PALM2AKAP2: variants seen among roughly 807,000 people sequenced by gnomAD.
PALM2AKAP2 encodes PALM2 and AKAP2 fusion.
In PALM2AKAP2, 37 loss-of-function variants were observed where a neutral mutation model predicts 71.5. The observed-to-expected ratio is 0.52, with a 90% CI of 0.40 to 0.68. The LOEUF is 0.68. Among genes scored for constraint, PALM2AKAP2 ranks in the 30% least tolerant of loss-of-function variants. The pLI is 0.00. For missense variants in PALM2AKAP2, 1,224 were observed against 1,191.8 expected (o/e 1.03, Z -0.40); for synonymous variants, 468 against 478.8 (o/e 0.98, Z 0.29).
At chr9:110,031,034 G>A (rs896843476) in intron 7 of PALM2AKAP2, among the ~76,000 whole-genome samples, 5 of 152,146 alleles carry the variant, frequency 3.3e-5, no homozygotes, top group Admixed American at 3.3e-4. Context: ...TTCCCACTCC[G>A]TCTCCCAAAG....
chr9:110,118,589 T>C (rs891381500), intron 1 of PALM2AKAP2, among the ~76,000 whole-genome samples: 2 of 152,154 alleles, frequency 1.3e-5, no homozygotes, highest in African/African-American at 4.8e-5. Flanking sequence ...TCCAGGTGCC[T>C]AATCACCCAT....
chr9:109,774,802 A>T (rs1384395329), intron 1 of PALM2AKAP2, among the ~76,000 whole-genome samples: 1 of 152,224 alleles, frequency 6.6e-6, no homozygotes, highest in Non-Finnish European at 1.5e-5. Context: ...ATGGCCAATC[A>T]CAAGCCTTTT....
chr9:109,864,607 C>T lies in PALM2AKAP2; in HGVS notation c.46-2884C>T, dbSNP rs544110194. Among the ~76,000 whole-genome samples, 138 of 152,142 alleles carry T rather than the reference C, an allele frequency of 9.1e-4. 2 individuals carry two copies. Among genetic ancestry groups the T allele is most frequent in the Non-Finnish European group, 2.2e-4 (15 of 68,034 alleles). ...CCCGTGGGCCAAATCTGGCCCACTA[C>T]CTGTGTTTGCAAATAAAGTTTTATT... On this transcript the variant is annotated intron_variant, in intron 1 of 9. Coordinates refer to the PALM2AKAP2 transcript ENST00000302798.
chr9:109,882,776 G>A (rs1189451115), intron 3 of PALM2AKAP2, among the ~76,000 whole-genome samples: 1 of 151,898 alleles, frequency 6.6e-6, no homozygotes, highest in East Asian at 1.9e-4. Flanking sequence ...TCAAATAGCT[G>A]GGAATAAAAG....
At chr9:110,087,599 G>A (rs1834603083) in intron 1 of PALM2AKAP2, among the ~76,000 whole-genome samples, 1 of 152,150 alleles carries the variant, frequency 6.6e-6, no homozygotes. Flanking sequence ...CTAGAACATG[G>A]TTCCATGGGG....
At chr9:109,936,919 G>T (rs1831232505) in intron 6 of PALM2AKAP2, among the ~76,000 whole-genome samples, 1 of 152,194 alleles carries the variant, frequency 6.6e-6, no homozygotes, top group Admixed American at 6.5e-5. Flanking sequence ...AAGAAAGTGA[G>T]CTGGGAAAAG....
At chr9:110,169,152 T>G (rs1836801658) in exon 4 of PALM2AKAP2, 1 of 152,762 alleles carries the variant, frequency 6.5e-6, no homozygotes, top group Admixed American at 6.5e-5. Context: ...CACAATCTAT[T>G]CTACATGAGG....
At chr9:110,037,289 C>T (rs1334642942) in intron 7 of PALM2AKAP2, among the ~76,000 whole-genome samples, 1 of 152,196 alleles carries the variant, frequency 6.6e-6, no homozygotes, top group Non-Finnish European at 1.5e-5. Flanking sequence ...CAACCACAAC[C>T]TCTGCCTCCT....
At chr9:109,940,745 G>A (rs1831340513) in intron 6 of PALM2AKAP2, among the ~76,000 whole-genome samples, 1 of 152,156 alleles carries the variant, frequency 6.6e-6, no homozygotes, top group African/African-American at 2.4e-5. Flanking sequence ...TGGGAATAGT[G>A]AGAAGTCGTT....
intron 5 of PALM2AKAP2, among the ~76,000 whole-genome samples, chr9:109,929,863 CAAAAAAAAAAAA>C (rs58029417): frequency 0.2 from 14,235 of 69,836 alleles, 950 homozygotes; most frequent in Non-Finnish European, 0.27. Context: ...GACTCCATTT[CAAAAAAAAAAAA>C]AAAAAAAAAA....
chr9:109,930,452 C>T (rs1831069337), intron 5 of PALM2AKAP2, among the ~76,000 whole-genome samples: 1 of 152,214 alleles, frequency 6.6e-6, no homozygotes, highest in African/African-American at 2.4e-5. Flanking sequence ...TCTCGAGCTC[C>T]TGACCTCAGG....
At chr9:109,800,084 A>C (rs10816875) in intron 1 of PALM2AKAP2, among the ~76,000 whole-genome samples, 26,911 of 152,126 alleles carry the variant, frequency 0.18, 2,767 homozygotes, top group East Asian at 0.34. Flanking sequence ...GGAGAGATTG[A>C]TGGGCAGAAA....
At chr9:109,709,861 A>G (rs1828205484) in intron 1 of PALM2AKAP2, among the ~76,000 whole-genome samples, 3 of 152,186 alleles carry the variant, frequency 2.0e-5, no homozygotes, top group Admixed American at 2.0e-4. Context: ...CCCCAAAAGG[A>G]TATGTGCAAG....
chr9:110,165,485 G>T (rs1046431674), intron 3 of PALM2AKAP2, among the ~76,000 whole-genome samples: 1 of 152,174 alleles, frequency 6.6e-6, no homozygotes, highest in Non-Finnish European at 1.5e-5. Flanking sequence ...AGGTATTTCA[G>T]TAAGGATGTT....
At chr9:109,925,304 A>G (rs1830931268) in intron 5 of PALM2AKAP2, among the ~76,000 whole-genome samples, 1 of 152,038 alleles carries the variant, frequency 6.6e-6, no homozygotes, top group African/African-American at 2.4e-5. Context: ...TCCTCTTACA[A>G]AATTGGCCTG....
rs1294923917 is a variant in PALM2AKAP2, at chr9:109,894,095, G to A, written c.257+13414G>A. 3.3e-5 allele frequency among the ~76,000 whole-genome samples: 5 copies of A among 151,736 alleles called. No homozygotes were observed. In the East Asian group the frequency reaches 9.7e-4, roughly 29 times the overall value. On this transcript the variant is annotated intron_variant, in intron 3 of 9. Coordinates refer to the PALM2AKAP2 transcript ENST00000302798. Reference sequence around the variant, plus strand: ...CTCATGCCTGTAATCCCAGCACTTCGGGAGGCCGAGGCAGGTGGATCACCT... The same window carrying A: ...CTCATGCCTGTAATCCCAGCACTTCAGGAGGCCGAGGCAGGTGGATCACCT...
chr9:110,136,152 A>G (rs376448644), exon 2 of PALM2AKAP2: 2 of 1,593,692 alleles, frequency 1.3e-6, no homozygotes, highest in African/African-American at 1.4e-5. Context: ...TCTGAGGATG[A>G]TATCTGGCTA....
At chr9:110,109,274 G>A (rs981464400) in intron 1 of PALM2AKAP2, among the ~76,000 whole-genome samples, 2 of 130,136 alleles carry the variant, frequency 1.5e-5, no homozygotes, top group Non-Finnish European at 3.1e-5. Context: ...CCGAGATCTC[G>A]CCATTGTACT....
chr9:109,827,455 A>G (rs1828183830), intron 1 of PALM2AKAP2, among the ~76,000 whole-genome samples: 1 of 152,088 alleles, frequency 6.6e-6, no homozygotes, highest in Non-Finnish European at 1.5e-5. Context: ...CTCAAAATAC[A>G]AAAATTAGCC....
Sources: allele counts gnomAD v4.1 joint callset (sites outside exome capture counted in the v4.1 genomes callset), GRCh38; gene constraint gnomAD v4.1.1; transcripts MANE v1.5; gene names NCBI Gene and HGNC (gene_info 2026-07-23, HGNC 2026-07-21).